The following ITGA8 variants were observed in gnomAD, a reference collection of about 807,000 sequenced individuals.
ITGA8 encodes the protein integrin subunit alpha 8, also known as integrin alpha-8.
In ITGA8, 91 loss-of-function variants were observed where a neutral mutation model predicts 142.3. The ratio of observed to expected loss-of-function variants is 0.64; its 90% CI spans 0.54 to 0.76. The LOEUF is 0.76. Ranked by LOEUF, ITGA8 falls within the 30% of genes least tolerant of loss-of-function variation. The pLI is 0.00. For missense variants in ITGA8, 1,406 were observed against 1,327.7 expected (o/e 1.06, Z -0.92); for synonymous variants, 505 against 485.2 (o/e 1.04, Z -0.54).
chr10:15,633,949 C>T (rs1833726905), intron 13 of ITGA8, among the ~76,000 whole-genome samples: 1 of 152,162 alleles, frequency 6.6e-6, no homozygotes, highest in Non-Finnish European at 1.5e-5. Context: ...CTTCTGTTCC[C>T]TGATTCAATG....
intron 22 of ITGA8, among the ~76,000 whole-genome samples, chr10:15,589,402 A>T (rs963194864): frequency 3.3e-5 from 5 of 152,184 alleles, no homozygotes; most frequent in African/African-American, 9.6e-5. Context: ...GTACACAGGG[A>T]GGAAAATGTT....
intron 28 of ITGA8, among the ~76,000 whole-genome samples, chr10:15,526,010 T>C (rs1483183552): frequency 6.6e-6 from 1 of 152,164 alleles, no homozygotes; most frequent in East Asian, 1.9e-4. Context: ...TATCTACTGC[T>C]TCAGTTTTTA....
intron 15 of ITGA8, among the ~76,000 whole-genome samples, chr10:15,612,110 C>A (rs2131615105): frequency 6.6e-6 from 1 of 152,194 alleles, no homozygotes; most frequent in African/African-American, 2.4e-5. Context: ...ATCAGGTTTT[C>A]ATTATACTAT....
chr10:15,586,658 G>A lies in ITGA8; in HGVS notation c.2298C>T (p.Asn766=). 1 of 1,603,232 alleles carries A rather than the reference G, an allele frequency of 6.2e-7. No individual in the cohort carries two copies. Among genetic ancestry groups the A allele is most frequent in the Non-Finnish European group, 8.5e-7 (1 of 1,170,310 alleles). The change falls in exon 23 of 30, where the codon AAC becomes AAT. Residue 766 remains asparagine, a synonymous_variant. Coordinates refer to ENST00000378076, the MANE Select transcript of ITGA8 (RefSeq NM_003638.3). ...INFDLQIRSS[N]KDNPDSNFVS... ...CAAAATTGCTGTCTGGATTGTCCTT[G>A]TTGGAACTAAAACACAAGGACATGT...
chr10:15,575,638 T>A (rs1834276256), intron 23 of ITGA8, 44 bp from the exon 24 acceptor site: 2 of 1,492,880 alleles, frequency 1.3e-6, no homozygotes, highest in Non-Finnish European at 1.9e-6. Flanking sequence ...ATGGCCCAGG[T>A]AAAGAATGTT....
chr10:15,625,764 G>T (rs757809420), intron 13 of ITGA8, among the ~76,000 whole-genome samples: 9 of 152,202 alleles, frequency 5.9e-5, no homozygotes, highest in Non-Finnish European at 8.8e-5. Flanking sequence ...AGGAGATAGT[G>T]ATATAGGAGT....
intron 22 of ITGA8, among the ~76,000 whole-genome samples, chr10:15,588,660 A>C (rs956224747): frequency 2.4e-4 from 37 of 152,254 alleles, no homozygotes; most frequent in Admixed American, 2.6e-4. Flanking sequence ...CGTGGAAATT[A>C]GAATTACGAA....
At chr10:15,651,567 C>G (rs996583619) in intron 11 of ITGA8, among the ~76,000 whole-genome samples, 27 of 150,786 alleles carry the variant, frequency 1.8e-4, no homozygotes, top group Admixed American at 1.3e-3. Context: ...TTTTGGAGCT[C>G]TTTTAGGGAC....
chr10:15,672,885 A>G, intron 6 of ITGA8, 136 bp from the exon 7 acceptor site: 2 of 905,362 alleles, frequency 2.2e-6, no homozygotes, highest in Non-Finnish European at 1.6e-6. Flanking sequence ...CTGCCGCTCA[A>G]ACTCCAAGGC....
At chr10:15,643,981 T>C in intron 13 of ITGA8, 49 bp downstream of exon 13, 1 of 1,525,186 alleles carries the variant, frequency 6.6e-7, no homozygotes, top group Non-Finnish European at 8.9e-7. Flanking sequence ...GAAAATGGAC[T>C]CTATTTCAGG....
At position 15,548,522 on chromosome 10, in the gene ITGA8, C is replaced by T. The variant is rs1478892175; in HGVS notation, c.2813G>A (p.Arg938Gln). 2.5e-6 allele frequency: 4 copies of T among 1,602,722 alleles called. No homozygotes were observed. Among genetic ancestry groups the T allele is most frequent in the South Asian group, 1.1e-5 (1 of 88,416 alleles). The stretch of plus-strand genomic sequence containing the variant: ...GACTGCGCTTTCTCCTCCTTCGAGT[C>T]GTCCCACTGCACAGGAGATTTGTAA... ...ECLQISCAVG[R>Q]LEGGESAVLK... is the part of the protein sequence containing the mutation. Residue 938 changes from arginine (R) to glutamine (Q), a missense_variant, in exon 27 of 30, where the codon CGA (arginine) becomes CAA (glutamine). Arg to Gln is a conservative substitution (Grantham distance 43, BLOSUM62 1). Transcript: ENST00000378076.
intron 2 of ITGA8, among the ~76,000 whole-genome samples, chr10:15,694,531 T>C (rs1210213240): frequency 1.4e-5 from 2 of 137,954 alleles, no homozygotes; most frequent in African/African-American, 5.3e-5. Context: ...ATTTATAATA[T>C]ATAAAAATGT....
intron 21 of ITGA8, among the ~76,000 whole-genome samples, chr10:15,595,847 C>T (rs989966576): frequency 1.3e-5 from 2 of 152,156 alleles, no homozygotes; most frequent in African/African-American, 4.8e-5. Flanking sequence ...AGGTGGATCA[C>T]CTGAGGCCAG....
chr10:15,586,468 T>C, intron 23 of ITGA8, 116 bp downstream of exon 23: 1 of 621,468 alleles, frequency 1.6e-6, no homozygotes, highest in Non-Finnish European at 2.9e-6. Context: ...AAAATTAATA[T>C]CCAAAATGAA....
At chr10:15,672,058 T>C (rs1834533294) in intron 7 of ITGA8, among the ~76,000 whole-genome samples, 1 of 152,166 alleles carries the variant, frequency 6.6e-6, no homozygotes, top group Admixed American at 6.5e-5. Context: ...CTATTTCTGG[T>C]CACCAGTAAG....
chr10:15,550,195 C>A (rs951816551), intron 26 of ITGA8, among the ~76,000 whole-genome samples: 14 of 152,150 alleles, frequency 9.2e-5, no homozygotes, highest in Admixed American at 2.0e-4. Context: ...GTAAGATGTG[C>A]CTTCTGCCTT....
At position 15,655,394 on chromosome 10, in the gene ITGA8, A is replaced by G. The variant is rs1834165442; in HGVS notation, c.961T>C (p.Phe321Leu). ...NFTGEQMASY[F>L]GYTVVVSDVN... The stretch of plus-strand genomic sequence containing the variant: ...TCTGATACGACAACGGTATATCCAA[A>G]ATAAGATGCCATCTGCAAAGGAAAA... Residue 321 changes from phenylalanine to leucine, a missense_variant, in exon 11 of 30, where the codon TTT becomes CTT. Transcript: ENST00000378076. 5 of 1,611,192 alleles carry G rather than the reference A, an allele frequency of 3.1e-6. No homozygotes were observed. The Admixed American group carries it at 8.3e-5, about 27-fold the overall frequency.
At chr10:15,604,109 A>T (rs1035751246) in intron 20 of ITGA8, 99 bp downstream of exon 20, 5 of 1,105,448 alleles carry the variant, frequency 4.5e-6, no homozygotes, top group Non-Finnish European at 5.3e-6. Flanking sequence ...GCTGTCTTTC[A>T]TTAAGGAAGA....
Position 15,646,908 on chromosome 10 carries a change from G to C in ITGA8, c.1145C>G (p.Thr382Arg). ...CATAGCACTACCGAATCTCCCAAAC[G>C]TCTCGGTGCCAGTGAGGATCTGGGG... The part of the protein sequence containing the change: ...RDPQILTGTE[T>R]FGRFGSAMAH... The change falls in exon 12 of 30, where the codon ACG (threonine) becomes AGG (arginine). Residue 382 changes from threonine (T) to arginine (R), a missense_variant. Coordinates refer to ENST00000378076, the MANE Select transcript of ITGA8 (RefSeq NM_003638.3). The C allele has an allele frequency of 6.2e-7, 1 of 1,614,026 alleles. No homozygotes were observed. The highest frequency in any genetic ancestry group is 8.5e-7 in the Non-Finnish European group (1 of 1,180,014).
Sources: allele counts gnomAD v4.1 joint callset (sites outside exome capture counted in the v4.1 genomes callset), GRCh38; gene constraint gnomAD v4.1.1; transcripts MANE v1.5; gene names NCBI Gene and HGNC (gene_info 2026-07-23, HGNC 2026-07-21).